The following TTC39B variants were observed in gnomAD, a reference collection of about 807,000 sequenced individuals.
The protein encoded by TTC39B is tetratricopeptide repeat protein 39B.
Under a neutral mutation model 96.6 loss-of-function variants are expected in TTC39B, and 92 were observed. That is an observed-to-expected ratio of 0.95 (90% CI 0.80 to 1.13). The LOEUF is 1.13. Among genes scored for constraint, TTC39B ranks in the 50% most tolerant of loss-of-function variants. The pLI is 0.00. For missense variants in TTC39B, 955 were observed against 809.3 expected, an observed-to-expected ratio of 1.18 and a Z score of -2.18; for synonymous variants, 367 against 299.4, an observed-to-expected ratio of 1.23 and a Z score of -2.33.
chr9:15,285,563 A>G (rs980462061), intron 1 of TTC39B, among the ~76,000 whole-genome samples: 4 of 152,196 alleles, frequency 2.6e-5, no homozygotes. Flanking sequence ...AATTTTTAAA[A>G]GAATATACAG....
intron 1 of TTC39B, among the ~76,000 whole-genome samples, chr9:15,277,753 T>G (rs1442668860): frequency 6.6e-6 from 1 of 152,214 alleles, no homozygotes; most frequent in Admixed American, 6.5e-5. Context: ...TGTTCGCCCA[T>G]CACAAATTCT....
At chr9:15,301,557 C>G (rs1824590479) in intron 1 of TTC39B, among the ~76,000 whole-genome samples, 1 of 152,086 alleles carries the variant, frequency 6.6e-6, no homozygotes, top group African/African-American at 2.4e-5. Context: ...GAGTTTGAGA[C>G]CAGCCTGACC....
At chr9:15,249,736 G>T in intron 2 of TTC39B, 1 of 326,304 alleles carries the variant, frequency 3.1e-6, no homozygotes, top group Non-Finnish European at 4.9e-6. Context: ...GGGAAGCCAA[G>T]CAGGCTTGAC....
chr9:15,194,475 G>C (rs957093126), intron 8 of TTC39B, among the ~76,000 whole-genome samples: 1 of 152,128 alleles, frequency 6.6e-6, no homozygotes, highest in African/African-American at 2.4e-5. Flanking sequence ...GTCCATGTGT[G>C]TGCACACACA....
exon 7 of TTC39B, chr9:15,203,873 T>G (rs780891874): frequency 6.2e-7 from 1 of 1,613,214 alleles, no homozygotes; most frequent in Non-Finnish European, 8.5e-7. Flanking sequence ...GCATAACAGA[T>G]TTCAGCATGC....
chr9:15,215,784 A>T (rs1368123844), intron 3 of TTC39B, among the ~76,000 whole-genome samples: 1 of 151,874 alleles, frequency 6.6e-6, no homozygotes, highest in African/African-American at 2.4e-5. Flanking sequence ...GAATTGCTTG[A>T]ACCTGGAAGG....
At chr9:15,240,188 A>C (rs1340719828) in intron 2 of TTC39B, among the ~76,000 whole-genome samples, 1 of 152,122 alleles carries the variant, frequency 6.6e-6, no homozygotes, top group Non-Finnish European at 1.5e-5. Context: ...TTTACTGCCA[A>C]CTCCAATCCC....
At chr9:15,272,696 C>T (rs1823400582) in intron 1 of TTC39B, among the ~76,000 whole-genome samples, 1 of 152,158 alleles carries the variant, frequency 6.6e-6, no homozygotes. Context: ...AGTCAAGCAC[C>T]ATTCTATTCT....
chr9:15,181,513 G>A (rs1818247412), intron 17 of TTC39B, among the ~76,000 whole-genome samples: 1 of 152,210 alleles, frequency 6.6e-6, no homozygotes, highest in African/African-American at 2.4e-5. Flanking sequence ...CCCAGAGTCT[G>A]ATGGCAGAGC....
intron 3 of TTC39B, among the ~76,000 whole-genome samples, chr9:15,224,740 T>A (rs956608400): frequency 6.6e-6 from 1 of 152,232 alleles, no homozygotes; most frequent in Non-Finnish European, 1.5e-5. Context: ...GAAGAGCACT[T>A]CTTTTTGAAG....
chr9:15,170,478 T>G (rs1050108222), exon 20 of TTC39B: 1 of 152,242 alleles, frequency 6.6e-6, no homozygotes, highest in African/African-American at 2.4e-5. Context: ...TAATTCATAC[T>G]TTTGTATAGC....
chr9:15,262,174 C>A (rs1360905087), intron 2 of TTC39B, among the ~76,000 whole-genome samples: 1 of 152,180 alleles, frequency 6.6e-6, no homozygotes, highest in Non-Finnish European at 1.5e-5. Context: ...TCTCAGCTCA[C>A]TGCAACCTCG....
At chr9:15,200,001 T>C in intron 7 of TTC39B, 76 bp from the exon 8 acceptor site, 1 of 781,180 alleles carries the variant, frequency 1.3e-6, no homozygotes, top group Non-Finnish European at 2.0e-6. Flanking sequence ...TGTGTTTGTG[T>C]GATTAGAAAA....
chr9:15,284,226 T>C (rs1823872689), intron 1 of TTC39B, among the ~76,000 whole-genome samples: 1 of 152,216 alleles, frequency 6.6e-6, no homozygotes, highest in African/African-American at 2.4e-5. Context: ...GTCCCTGTGA[T>C]TGGCAAAAAT....
exon 16 of TTC39B, chr9:15,185,368 G>A: frequency 5.0e-6 from 8 of 1,613,878 alleles, no homozygotes; most frequent in Non-Finnish European, 6.8e-6. Flanking sequence ...AGTAGGGATA[G>A]ATTTCCCGGC....
At chr9:15,251,876 A>C (rs993914241) in intron 2 of TTC39B, among the ~76,000 whole-genome samples, 24 of 152,030 alleles carry the variant, frequency 1.6e-4, no homozygotes, top group African/African-American at 5.3e-4. Context: ...CTAAAAGTTC[A>C]AAAGAGCATA....
chr9:15,191,490 T>C (rs1012643576), intron 9 of TTC39B, among the ~76,000 whole-genome samples: 5 of 152,240 alleles, frequency 3.3e-5, no homozygotes, highest in African/African-American at 1.2e-4. Flanking sequence ...TCCAGGGTTC[T>C]CTATAGAATA....
intron 17 of TTC39B, 34 bp from the exon 18 acceptor site, chr9:15,177,848 A>G: frequency 7.5e-7 from 1 of 1,341,622 alleles, no homozygotes. Context: ...AAAACACACA[A>G]AGAAAAATAC....
intron 2 of TTC39B, among the ~76,000 whole-genome samples, chr9:15,263,860 T>C (rs1021196422): frequency 5.3e-5 from 8 of 152,056 alleles, no homozygotes; most frequent in Non-Finnish European, 1.2e-4. Flanking sequence ...TTCAGCAACA[T>C]TGAAAAGGAC....
Sources: gnomAD v4.1 joint callset for allele counts (sites outside exome capture counted in the v4.1 genomes callset) on GRCh38, gnomAD v4.1.1 for gene constraint, MANE v1.5 for transcripts, NCBI Gene and HGNC (gene_info 2026-07-23, HGNC 2026-07-21) for gene names.